TMEM123: variants seen among roughly 807,000 people sequenced by gnomAD.
TMEM123 encodes porimin.
TMEM123 carries 16 observed loss-of-function variants against 19.7 expected under a neutral mutation model. The observed-to-expected ratio is 0.81, with a 90% CI of 0.55 to 1.23. The LOEUF (loss-of-function observed/expected upper bound fraction) is 1.23. TMEM123 is among the 50% of genes most tolerant of loss of function. The pLI, the probability that TMEM123 is intolerant of heterozygous loss-of-function variation, is 0.00. For missense variants in TMEM123, 313 were observed against 257.8 expected (o/e 1.21, Z -1.47); for synonymous variants, 118 against 99.4 (o/e 1.19, Z -1.12).
At chr11:102,406,583 T>C (rs80276244) in intron 2 of TMEM123, among the ~76,000 whole-genome samples, 386 of 152,156 alleles carry the variant, frequency 2.5e-3, no homozygotes, top group African/African-American at 8.9e-3. Flanking sequence ...TTAAAAAAGA[T>C]AGCTTCCTGG....
chr11:102,445,730 TA>T (rs1197079363), intron 2 of TMEM123, among the ~76,000 whole-genome samples: 1 of 152,158 alleles, frequency 6.6e-6, no homozygotes, highest in Non-Finnish European at 1.5e-5. Flanking sequence ...AAATGGTGGT[TA>T]AAAGTTCAGT....
chr11:102,413,763 G>T (rs990826991), intron 2 of TMEM123, among the ~76,000 whole-genome samples: 1 of 152,190 alleles, frequency 6.6e-6, no homozygotes, highest in East Asian at 1.9e-4. Context: ...ACACAGCTGA[G>T]AAAGAACCAG....
chr11:102,426,640 A>G (rs1161672418), intron 2 of TMEM123, among the ~76,000 whole-genome samples: 1 of 152,148 alleles, frequency 6.6e-6, no homozygotes, highest in Non-Finnish European at 1.5e-5. Context: ...TTTCTTTACA[A>G]TAATTTTCCC....
At chr11:102,428,474 T>A (rs1307092345) in intron 2 of TMEM123, among the ~76,000 whole-genome samples, 9 of 151,646 alleles carry the variant, frequency 5.9e-5, no homozygotes, top group East Asian at 3.9e-4. Context: ...GCTTTTTTTT[T>A]TTTTTATTTT....
chr11:102,436,740 G>GC (rs1857766733), intron 2 of TMEM123, among the ~76,000 whole-genome samples: 1 of 147,414 alleles, frequency 6.8e-6, no homozygotes, highest in African/African-American at 2.4e-5. Context: ...ATCAATTTTA[G>GC]TCTGAAAGAA....
chr11:102,452,159 TC>T (rs763764514), intron 1 of TMEM123: 153 of 190,934 alleles, frequency 8.0e-4, no homozygotes, highest in Non-Finnish European at 1.3e-3. Flanking sequence ...ACTCAGCTAA[TC>T]TTGTTTACAA....
intron 1 of TMEM123, chr11:102,449,479 A>G (rs1857916899): frequency 6.5e-6 from 1 of 152,858 alleles, no homozygotes; most frequent in Non-Finnish European, 1.5e-5. Context: ...TGAAGATTAA[A>G]TATGTATAAC....
chr11:102,450,554 TG>T (rs1857927366), intron 1 of TMEM123, among the ~76,000 whole-genome samples: 1 of 152,260 alleles, frequency 6.6e-6, no homozygotes, highest in Non-Finnish European at 1.5e-5. Flanking sequence ...ATTTCAATAA[TG>T]TTTTTATCTT....
intron 2 of TMEM123, among the ~76,000 whole-genome samples, chr11:102,444,150 G>A (rs1857857478): frequency 6.6e-6 from 1 of 152,172 alleles, no homozygotes; most frequent in Non-Finnish European, 1.5e-5. Flanking sequence ...GATTCCTCAA[G>A]GATCCAGAAC....
chr11:102,451,856 T>G (rs1239563100), intron 1 of TMEM123, among the ~76,000 whole-genome samples: 1 of 152,228 alleles, frequency 6.6e-6, no homozygotes, highest in Non-Finnish European at 1.5e-5. Context: ...CCCTTAACGC[T>G]GCGCAGCTGC....
chr11:102,404,601 T>C lies in TMEM123; in HGVS notation c.158-2395A>G, dbSNP rs183865989. ...ACCTGGCCCCTATATGTATTTATTA[T>C]TGTTATTACTATTTTTGAAACAGTC... On this transcript the variant is annotated intron_variant, in intron 2 of 4. Coordinates refer to ENST00000398136, the MANE Select transcript of TMEM123 (RefSeq NM_052932.3). Among the ~76,000 whole-genome samples the C allele has an allele frequency of 7.2e-4, 109 of 152,116 alleles. 1 individual carries two copies. The highest frequency in any genetic ancestry group is 2.6e-3 in the African/African-American group (108 of 41,490).
intron 2 of TMEM123, among the ~76,000 whole-genome samples, chr11:102,430,926 G>A (rs1481110903): frequency 3.9e-5 from 6 of 152,146 alleles, no homozygotes; most frequent in African/African-American, 1.4e-4. Context: ...GATGACATGG[G>A]GGAGGGACCA....
intron 2 of TMEM123, among the ~76,000 whole-genome samples, chr11:102,414,011 A>C (rs1952025440): frequency 6.6e-6 from 1 of 152,216 alleles, no homozygotes; most frequent in African/African-American, 2.4e-5. Flanking sequence ...AATTTTAAGA[A>C]AGAACCTAAC....
At chr11:102,399,162 T>C (rs1283298145) in intron 4 of TMEM123, among the ~76,000 whole-genome samples, 1 of 152,194 alleles carries the variant, frequency 6.6e-6, no homozygotes, top group Admixed American at 6.6e-5. Context: ...TATTTCTTTC[T>C]AGCTGGTCAC....
intron 2 of TMEM123, among the ~76,000 whole-genome samples, chr11:102,439,699 CTT>C (rs2135862387): frequency 6.6e-6 from 1 of 152,330 alleles, no homozygotes; most frequent in South Asian, 2.1e-4. Flanking sequence ...CGGAGAATGA[CTT>C]TGACGAGTTG....
intron 2 of TMEM123, among the ~76,000 whole-genome samples, chr11:102,422,056 T>C (rs1591559302): frequency 6.6e-6 from 1 of 152,214 alleles, no homozygotes; most frequent in African/African-American, 2.4e-5. Flanking sequence ...AATTCTAGAG[T>C]CTGGCGTATT....
intron 2 of TMEM123, among the ~76,000 whole-genome samples, chr11:102,440,481 T>C (rs1324896239): frequency 6.6e-6 from 1 of 152,176 alleles, no homozygotes; most frequent in Non-Finnish European, 1.5e-5. Flanking sequence ...AATAAAATCC[T>C]TTACAGACAA....
At chr11:102,450,124 A>C (rs758774671) in intron 1 of TMEM123, among the ~76,000 whole-genome samples, 2 of 152,162 alleles carry the variant, frequency 1.3e-5, no homozygotes, top group Non-Finnish European at 2.9e-5. Flanking sequence ...CCATAGATCT[A>C]GAATCCACCC....
chr11:102,415,676 GTGT>G (rs1252475579), intron 2 of TMEM123, among the ~76,000 whole-genome samples: 2 of 152,178 alleles, frequency 1.3e-5, no homozygotes, highest in Non-Finnish European at 2.9e-5. Context: ...GGCTAAAGCA[GTGT>G]TAAGAGGAAA....
Sources: gnomAD v4.1 joint callset for allele counts (sites outside exome capture counted in the v4.1 genomes callset) on GRCh38, gnomAD v4.1.1 for gene constraint, MANE v1.5 for transcripts, NCBI Gene and HGNC (gene_info 2026-07-23, HGNC 2026-07-21) for gene names.